The following MTSS1 variants were observed in gnomAD, a reference collection of about 807,000 sequenced individuals.
MTSS1 encodes the protein MTSS I-BAR domain containing 1, also known as protein MTSS 1.
A neutral mutation model predicts 79.0 loss-of-function variants in MTSS1; 18 were observed. That is an observed-to-expected ratio of 0.23 (90% CI 0.16 to 0.34). The LOEUF (loss-of-function observed/expected upper bound fraction) is 0.34. Among genes scored for constraint, MTSS1 ranks in the 10% least tolerant of loss-of-function variants. The pLI is 1.00. For missense variants in MTSS1, 815 were observed against 986.2 expected (o/e 0.83, Z 2.33); for synonymous variants, 341 against 368.6 (o/e 0.93, Z 0.86).
rs1823798042 is a variant in MTSS1 at position 124,556,385 on chromosome 8, G to T, written c.1251C>A (p.Pro417=). The change falls in exon 12 of 14, where the codon CCC becomes CCA. Residue 417 remains proline (P), a synonymous_variant. Transcript: ENST00000518547. ...GGGTGTTCACCAGAGGCTGGTCATA[G>T]GGCCCAGGCTTAGCCCAGTCCTATG... ...PSWKDWAKPG[P]YDQPLVNTLQ... 1 of 1,613,592 alleles carries T rather than the reference G, an allele frequency of 6.2e-7. No individual in the cohort carries two copies. The highest frequency in any genetic ancestry group is 8.5e-7 in the Non-Finnish European group (1 of 1,179,730).
chr8:124,669,486 T>G (rs1429851316), intron 3 of MTSS1, among the ~76,000 whole-genome samples: 1 of 152,236 alleles, frequency 6.6e-6, no homozygotes, highest in African/African-American at 2.4e-5. Context: ...TTCCTTTAGA[T>G]GAAGGCCAGA....
At chr8:124,675,224 A>G (rs926746165) in intron 3 of MTSS1, among the ~76,000 whole-genome samples, 1 of 152,258 alleles carries the variant, frequency 6.6e-6, no homozygotes, top group East Asian at 1.9e-4. Context: ...CCCTGCCAGC[A>G]AACACCATGT....
chr8:124,567,012 G>T, intron 8 of MTSS1, 59 bp downstream of exon 8: 1 of 1,317,524 alleles, frequency 7.6e-7, no homozygotes, highest in South Asian at 1.2e-5. Flanking sequence ...GAACACTCAG[G>T]GCCTTGAGCT....
At chr8:124,701,529 G>T (rs1258865110) in intron 2 of MTSS1, among the ~76,000 whole-genome samples, 8 of 152,146 alleles carry the variant, frequency 5.3e-5, no homozygotes, top group Admixed American at 1.3e-4. Context: ...GGAAAAATTA[G>T]CTTTATCAAA....
At chr8:124,586,600 TG>T (rs1830896531) in intron 5 of MTSS1, among the ~76,000 whole-genome samples, 2 of 151,508 alleles carry the variant, frequency 1.3e-5, no homozygotes, top group South Asian at 4.2e-4. Flanking sequence ...GCTAGCAGAG[TG>T]GGTTGCGTGT....
intron 3 of MTSS1, among the ~76,000 whole-genome samples, chr8:124,637,180 T>C (rs1817168372): frequency 6.6e-6 from 1 of 152,210 alleles, no homozygotes. Flanking sequence ...GCATCCGTGT[T>C]GGTTCATGCT....
intron 3 of MTSS1, among the ~76,000 whole-genome samples, chr8:124,653,780 A>G (rs1268196389): frequency 6.6e-6 from 1 of 152,224 alleles, no homozygotes; most frequent in Non-Finnish European, 1.5e-5. Context: ...CATAACATTT[A>G]CTTTGCATAA....
At chr8:124,685,694 A>AT (rs1429544288) in intron 3 of MTSS1, among the ~76,000 whole-genome samples, 1 of 152,254 alleles carries the variant, frequency 6.6e-6, no homozygotes, top group Non-Finnish European at 1.5e-5. Context: ...GACACCATTC[A>AT]TCCCCCAAAT....
chr8:124,686,310 C>G (rs1167925762), intron 3 of MTSS1, among the ~76,000 whole-genome samples: 2 of 151,972 alleles, frequency 1.3e-5, no homozygotes, highest in African/African-American at 2.4e-5. Flanking sequence ...TTCCTATTCT[C>G]ATTTGACTTA....
chr8:124,668,165 A>C (rs1823468459), intron 3 of MTSS1, among the ~76,000 whole-genome samples: 1 of 152,202 alleles, frequency 6.6e-6, no homozygotes, highest in Non-Finnish European at 1.5e-5. Flanking sequence ...CCCGGCCAGC[A>C]ACTGAGGAGG....
intron 3 of MTSS1, among the ~76,000 whole-genome samples, chr8:124,622,315 G>C (rs113490082): frequency 6.6e-6 from 1 of 151,864 alleles, no homozygotes; most frequent in Non-Finnish European, 1.5e-5. Context: ...GAGCAGGGGT[G>C]GGGGAGGTGA....
intron 3 of MTSS1, among the ~76,000 whole-genome samples, chr8:124,685,154 C>T (rs1479305795): frequency 8.8e-6 from 1 of 114,010 alleles, no homozygotes; most frequent in African/African-American, 3.4e-5. Context: ...ACCATCACCA[C>T]CTCCATCTCC....
At position 124,605,565 on chromosome 8, in the gene MTSS1, T is replaced by TCGCTGCCTCCCTCCCTGCCCTCG. The variant is rs1554667636; in HGVS notation, c.209-14331_209-14330insCGAGGGCAGGGAGGGAGGCAGCG. 1.6e-3 allele frequency among the ~76,000 whole-genome samples: 199 copies of TCGCTGCCTCCCTCCCTGCCCTCG among 127,026 alleles called. 3 individuals carry two copies. Among genetic ancestry groups the TCGCTGCCTCCCTCCCTGCCCTCG allele is most frequent in the African/African-American group, 5.0e-3 (155 of 31,280 alleles). 83.3% of individuals were successfully genotyped at this position (127,026 alleles called of 152,430 possible). On this transcript the variant is annotated intron_variant, in intron 3 of 13. Transcript: ENST00000518547. Reference sequence around the variant, plus strand: ...TCGCACTGCCTCCCTCCCTGCCCTCTCGCTGCCTCCCTCCCTGCCCTCTCG... The same window carrying TCGCTGCCTCCCTCCCTGCCCTCG: ...TCGCACTGCCTCCCTCCCTGCCCTCTCGCTGCCTCCCTCCCTGCCCTCGCGCTGCCTCCCTCCCTGCCCTCTCG...
rs1832942651 is a variant in MTSS1 at position 124,597,359 on chromosome 8, A to C, written c.209-6124T>G. 6.6e-6 allele frequency among the ~76,000 whole-genome samples: 1 copy of C among 152,192 alleles called. No individual in the cohort carries two copies. Reference sequence around the variant, plus strand: ...ACCAAGGGCTCTCTCTCACTACGACAAGCTGGAGACATTCCCAGCTGAGGA... The same window carrying C: ...ACCAAGGGCTCTCTCTCACTACGACCAGCTGGAGACATTCCCAGCTGAGGA... On this transcript the variant is annotated intron_variant, in intron 3 of 13. Coordinates refer to ENST00000518547, the MANE Select transcript of MTSS1 (RefSeq NM_014751.6). The surrounding 1 kb of genome is among the most constrained non-coding windows in gnomAD (Gnocchi z 4.6).
intron 3 of MTSS1, among the ~76,000 whole-genome samples, chr8:124,659,756 C>T (rs1054601600): frequency 6.6e-6 from 1 of 152,188 alleles, no homozygotes; most frequent in African/African-American, 2.4e-5. Flanking sequence ...TGGGACAACA[C>T]CTGGGCCGCT....
At chr8:124,653,276 C>T (rs1820337131) in intron 3 of MTSS1, among the ~76,000 whole-genome samples, 1 of 152,206 alleles carries the variant, frequency 6.6e-6, no homozygotes, top group African/African-American at 2.4e-5. Flanking sequence ...AAGTCATCAG[C>T]TCAAAGTTAT....
At chr8:124,639,314 C>T (rs147042233) in intron 3 of MTSS1, among the ~76,000 whole-genome samples, 118 of 152,138 alleles carry the variant, frequency 7.8e-4, no homozygotes, top group Admixed American at 6.6e-3. Context: ...CTCTAGCCTG[C>T]GCCACAAAGC....
At chr8:124,616,207 GC>G (rs1473292466) in intron 3 of MTSS1, among the ~76,000 whole-genome samples, 1 of 152,162 alleles carries the variant, frequency 6.6e-6, no homozygotes, top group Non-Finnish European at 1.5e-5. Flanking sequence ...GCTTCAGCAT[GC>G]AACAGACAAG....
In MTSS1 at chr8:124,622,758, A is replaced by G. The variant is rs189129498; in HGVS notation, c.209-31523T>C. Among the ~76,000 whole-genome samples the G allele has an allele frequency of 4.5e-3, 656 of 147,374 alleles. 3 individuals are homozygous for G. The highest frequency in any genetic ancestry group is 0.016 in the African/African-American group (635 of 39,316). On this transcript the variant is annotated intron_variant, in intron 3 of 13. Coordinates refer to ENST00000518547, the MANE Select transcript of MTSS1 (RefSeq NM_014751.6). Reference sequence around the variant, plus strand: ...CAATGAGCTGAGATCACACCACCGCACTCTAGCCTGGGCGGCAGAGCAGGG... The same window carrying G: ...CAATGAGCTGAGATCACACCACCGCGCTCTAGCCTGGGCGGCAGAGCAGGG...
Sources: gnomAD v4.1 joint callset for allele counts (sites outside exome capture counted in the v4.1 genomes callset) on GRCh38, gnomAD v4.1.1 for gene constraint, Gnocchi (gnomAD v3.1) non-coding constraint, MANE v1.5 for transcripts, NCBI Gene and HGNC (gene_info 2026-07-23, HGNC 2026-07-21) for gene names.